Variants in ADGRL1 observed in about 807,000 individuals in gnomAD.
ADGRL1 encodes the protein adhesion G protein-coupled receptor L1.
A neutral mutation model predicts 148.9 loss-of-function variants in ADGRL1; 31 were observed. The observed-to-expected ratio is 0.21, with a 90% CI of 0.16 to 0.28. ADGRL1 has a LOEUF of 0.28. Among genes scored for constraint, ADGRL1 ranks in the 10% least tolerant of loss-of-function variants. ADGRL1 has a pLI of 1.00. For missense variants in ADGRL1, 1,521 were observed against 2,058.8 expected (o/e 0.74, Z 5.05); for synonymous variants, 937 against 900.3 (o/e 1.04, Z -0.73).
In ADGRL1 at chr19:14,152,999, C is replaced by G. The variant is rs1599384554; in HGVS notation, c.3295-87G>C. 6.7e-7 allele frequency: 1 copy of G among 1,502,372 alleles called. No homozygotes were observed. Among genetic ancestry groups the G allele is most frequent in the African/African-American group, 1.4e-5 (1 of 72,714 alleles). The allele number at this position is 1,502,372 out of a possible 1,614,324, so 93.1% of individuals were successfully genotyped here. A position where few individuals can be genotyped will look rare whatever the true frequency, so the allele number is the denominator to read the frequency against. On this transcript the variant is annotated intron_variant, in intron 18 of 22. Coordinates refer to ENST00000361434, the MANE Select transcript of ADGRL1 (RefSeq NM_014921.5). The surrounding 1 kb of genome is among the most constrained non-coding windows in gnomAD (Gnocchi z 6.1). Reference sequence around the variant, plus strand: ...ACAGGGCTGGTCACAAGACAGGCAGCCTTGGGAGGCCGGAGACCGAGCTTC... The same window carrying G: ...ACAGGGCTGGTCACAAGACAGGCAGGCTTGGGAGGCCGGAGACCGAGCTTC...
intron 18 of ADGRL1, among the ~76,000 whole-genome samples, chr19:14,153,223 T>C (rs1298785447): frequency 6.6e-6 from 1 of 152,190 alleles, no homozygotes; most frequent in Non-Finnish European, 1.5e-5. Flanking sequence ...AGGCACAATT[T>C]AGGCCTCAGG....
chr19:14,152,656 A>G lies in ADGRL1; in HGVS notation c.3424-43T>C, dbSNP rs753118349. ...ATGTGAGGGGATCCTTGGGCCACCC[A>G]CCCTCTGGCGTCTTTCTGAGACTGC... On this transcript the variant is annotated intron_variant, in intron 19 of 22. Coordinates refer to ENST00000361434, the MANE Select transcript of ADGRL1 (RefSeq NM_014921.5). The surrounding 1 kb of genome is among the most constrained non-coding windows in gnomAD (Gnocchi z 6.1). 1.2e-6 allele frequency: 2 copies of G among 1,605,272 alleles called. No individual in the cohort carries two copies. The highest frequency in any genetic ancestry group is 2.2e-5 in the South Asian group (2 of 90,704).
intron 3 of ADGRL1, chr19:14,171,347 TG>T (rs1331772741): frequency 6.6e-6 from 1 of 152,542 alleles, no homozygotes; most frequent in East Asian, 1.9e-4. Context: ...GGGCACTTTT[TG>T]TTTCCTGCCT....
intron 2 of ADGRL1, 64 bp downstream of exon 2, chr19:14,183,469 T>G: frequency 7.5e-7 from 1 of 1,329,786 alleles, no homozygotes; most frequent in African/African-American, 2.9e-5. Context: ...TTTTCAACAT[T>G]TTATCTGCCC....
At chr19:14,198,007 C>T (rs1174502957) in intron 1 of ADGRL1, among the ~76,000 whole-genome samples, 3 of 152,104 alleles carry the variant, frequency 2.0e-5, no homozygotes, top group Non-Finnish European at 4.4e-5. Flanking sequence ...TAAAAAGTGA[C>T]ATTTCGGCAG....
chr19:14,179,967 G>A (rs1314714569), intron 2 of ADGRL1, among the ~76,000 whole-genome samples: 2 of 152,150 alleles, frequency 1.3e-5, no homozygotes, highest in Non-Finnish European at 2.9e-5. Context: ...AACAGGACTT[G>A]GGGCAGGAGC....
At chr19:14,172,665 A>C (rs1172532720) in intron 3 of ADGRL1, among the ~76,000 whole-genome samples, 1 of 152,100 alleles carries the variant, frequency 6.6e-6, no homozygotes, top group Non-Finnish European at 1.5e-5. Context: ...GCTAGAACCC[A>C]GGAGGCAGAG....
At chr19:14,190,877 CAGG>C (rs1466603416) in intron 1 of ADGRL1, among the ~76,000 whole-genome samples, 1 of 152,162 alleles carries the variant, frequency 6.6e-6, no homozygotes, top group Non-Finnish European at 1.5e-5. Context: ...CACCTGAGGT[CAGG>C]AGTTCAAGAC....
rs1969491028 is a variant in ADGRL1 at position 14,162,440 on chromosome 19, CTG to C, written c.1195+164_1195+165del. Among the ~76,000 whole-genome samples the C allele has an allele frequency of 6.6e-6, 1 of 152,184 alleles. No homozygotes were observed. The highest frequency in any genetic ancestry group is 2.1e-4 in the South Asian group (1 of 4,828). On this transcript the variant is annotated intron_variant, in intron 5 of 22. Coordinates refer to ENST00000361434, the MANE Select transcript of ADGRL1 (RefSeq NM_014921.5). This position sits in a 1 kb window ranked among gnomAD's most constrained non-coding sequence, Gnocchi z 5.4. ...AGACCGTGAGGAGACGAGTTAATGA[CTG>C]TGAAGTGCTTAGAACAGCGTCTGTC... is the stretch of plus-strand genomic sequence containing the variant.
intron 2 of ADGRL1, among the ~76,000 whole-genome samples, chr19:14,179,201 A>T (rs983865055): frequency 1.3e-4 from 19 of 148,662 alleles, no homozygotes; most frequent in African/African-American, 4.2e-4. Context: ...AATAAAAAAT[A>T]AAAAAAAAAT....
At chr19:14,175,922 T>C (rs1970792378) in intron 3 of ADGRL1, among the ~76,000 whole-genome samples, 2 of 152,106 alleles carry the variant, frequency 1.3e-5, no homozygotes. Flanking sequence ...GGCATGATGG[T>C]GCGTACCTGT....
chr19:14,205,183 G>T (rs1331692483), intron 1 of ADGRL1, among the ~76,000 whole-genome samples: 1 of 151,978 alleles, frequency 6.6e-6, no homozygotes, highest in African/African-American at 2.4e-5. Flanking sequence ...CCTGGACTCG[G>T]GTCCCAGGAC....
chr19:14,171,619 A>G (rs921078438), intron 3 of ADGRL1, among the ~76,000 whole-genome samples: 1 of 152,236 alleles, frequency 6.6e-6, no homozygotes, highest in African/African-American at 2.4e-5. Context: ...GATCAATGAA[A>G]TGTTCAGTGT....
intron 1 of ADGRL1, among the ~76,000 whole-genome samples, chr19:14,193,781 A>G (rs1972095079): frequency 6.6e-6 from 1 of 152,228 alleles, no homozygotes; most frequent in Non-Finnish European, 1.5e-5. Flanking sequence ...GTGACCATGA[A>G]GGCAGAGATC....
At chr19:14,183,483 C>A (rs1012057196) in intron 2 of ADGRL1, 50 bp downstream of exon 2, 43 of 1,509,440 alleles carry the variant, frequency 2.8e-5, no homozygotes, top group Non-Finnish European at 3.9e-5. Context: ...TCTGCCCCCC[C>A]CAGAAGGGTT....
At chr19:14,182,383 G>A (rs2145012036) in intron 2 of ADGRL1, among the ~76,000 whole-genome samples, 1 of 152,330 alleles carries the variant, frequency 6.6e-6, no homozygotes, top group East Asian at 1.9e-4. Context: ...CAGGGATTCA[G>A]CCAGGGACCC....
In ADGRL1 at chr19:14,162,553, G is replaced by A. The variant is rs1165880374; in HGVS notation, c.1195+53C>T. 7.2e-6 allele frequency: 11 copies of A among 1,517,944 alleles called. No homozygotes were observed. The highest frequency in any genetic ancestry group is 9.0e-6 in the Non-Finnish European group (10 of 1,114,774). 94.0% of individuals were successfully genotyped at this position (1,517,944 alleles called of 1,614,324 possible). A position where few individuals can be genotyped will look rare whatever the true frequency, so the allele number is the denominator to read the frequency against. ...CTCTGGGACCCAGGGGTGGGTGGGG[G>A]TGGAGGGGACAAAGGCAAGCAGGCT... On this transcript the variant is annotated intron_variant, in intron 5 of 22. Coordinates refer to ENST00000361434, the MANE Select transcript of ADGRL1 (RefSeq NM_014921.5). The surrounding 1 kb of genome is among the most constrained non-coding windows in gnomAD (Gnocchi z 5.4).
At chr19:14,163,523 G>A (rs1411701519) in intron 4 of ADGRL1, 117 bp from the exon 5 acceptor site, 9 of 771,098 alleles carry the variant, frequency 1.2e-5, no homozygotes, top group South Asian at 3.7e-5. Context: ...AGTTGGTCAC[G>A]CTGCTGGTGG....
chr19:14,160,309 G>T lies in ADGRL1; in HGVS notation c.1615-12C>A. On this transcript the variant is annotated splice_polypyrimidine_tract_variant and intron_variant, in intron 7 of 22. Transcript: ENST00000361434. This position sits in a 1 kb window ranked among gnomAD's most constrained non-coding sequence, Gnocchi z 5.9. ...TCCCCACTCTTGATCTGCATGAGGTGGGGGCGGGAAGGGGGAATCCCAGGA... is the reference window on the plus strand; with the variant it reads ...TCCCCACTCTTGATCTGCATGAGGTTGGGGCGGGAAGGGGGAATCCCAGGA... 6.3e-7 allele frequency: 1 copy of T among 1,582,396 alleles called. No individual in the cohort carries two copies.
Sources: allele counts gnomAD v4.1 joint callset (sites outside exome capture counted in the v4.1 genomes callset), GRCh38; gene constraint gnomAD v4.1.1; non-coding constraint Gnocchi (gnomAD v3.1); transcripts MANE v1.5; gene names NCBI Gene and HGNC (gene_info 2026-07-23, HGNC 2026-07-21).